Variants in OTULIN observed in about 807,000 individuals in gnomAD.
OTULIN encodes the protein ubiquitin thioesterase otulin.
Under a neutral mutation model 39.6 loss-of-function variants are expected in OTULIN, and 15 were observed. The observed-to-expected ratio is 0.38, with a 90% CI of 0.25 to 0.58. The LOEUF (loss-of-function observed/expected upper bound fraction) is 0.58. Ranked by LOEUF, OTULIN falls within the 20% of genes least tolerant of loss-of-function variation. OTULIN has a pLI of 0.66. For missense variants in OTULIN, 319 were observed against 445.9 expected, an observed-to-expected ratio of 0.72 and a Z score of 2.56; for synonymous variants, 156 against 170.3, an observed-to-expected ratio of 0.92 and a Z score of 0.65.
chr5:14,713,761 G>A, the OTULIN span: 1 of 1,572,196 alleles, frequency 6.4e-7, no homozygotes, highest in Non-Finnish European at 8.7e-7. This position sits in a 1 kb window ranked among gnomAD's most constrained non-coding sequence, Gnocchi z 4.4. Context: ...GAGAGCCAGG[G>A]GCTGCCTAGG....
rs1324332601 is a variant in OTULIN, at chr5:14,693,252, A to T, written c.*204A>T. On this transcript the variant is annotated 3_prime_UTR_variant, in exon 7 of 7. Transcript: ENST00000284274. Reference sequence around the variant, plus strand: ...TCTTTCCCCTCATCTATGATGCAATATATTTCAGTGGGGGCCTTCAGAGCA... The same window carrying T: ...TCTTTCCCCTCATCTATGATGCAATTTATTTCAGTGGGGGCCTTCAGAGCA... The T allele has an allele frequency of 3.8e-6, 2 of 532,032 alleles. No homozygotes were observed. The highest frequency in any genetic ancestry group is 3.2e-5 in the Admixed American group (1 of 30,870). The allele number at this position is 532,032 out of a possible 1,614,324, so 33.0% of individuals were successfully genotyped here.
the OTULIN span, chr5:14,709,636 C>G: frequency 6.6e-6 from 1 of 152,380 alleles, no homozygotes; most frequent in African/African-American, 2.4e-5. Context: ...ACTTCTATTC[C>G]TACTCCAGTG....
At chr5:14,710,462 G>C in the OTULIN span, 3 of 152,640 alleles carry the variant, frequency 2.0e-5, no homozygotes, top group African/African-American at 7.2e-5. Flanking sequence ...AGAACTGACA[G>C]CTTGCTCAGA....
chr5:14,710,631 G>C, the OTULIN span: 3 of 163,032 alleles, frequency 1.8e-5, no homozygotes, highest in Non-Finnish European at 2.7e-5. Flanking sequence ...ACTCCGGGCT[G>C]CAGCGTGCCA....
chr5:14,666,434 C>A (rs1735847289), intron 1 of OTULIN, among the ~76,000 whole-genome samples: 1 of 152,142 alleles, frequency 6.6e-6, no homozygotes, highest in African/African-American at 2.4e-5. Context: ...CTAGGTTTGT[C>A]ATTTTACACA....
intron 1 of OTULIN, among the ~76,000 whole-genome samples, chr5:14,671,553 A>G (rs1375569359): frequency 6.6e-6 from 1 of 152,226 alleles, no homozygotes; most frequent in East Asian, 1.9e-4. Context: ...GAACGAACAC[A>G]TTTGGTCACT....
chr5:14,673,125 C>T (rs749457947), intron 1 of OTULIN, among the ~76,000 whole-genome samples: 19 of 152,046 alleles, frequency 1.2e-4, no homozygotes, highest in East Asian at 3.9e-4. Flanking sequence ...AGGAGGATTT[C>T]GAGGAGGTTT....
chr5:14,667,173 A>G (rs1735870722), intron 1 of OTULIN, among the ~76,000 whole-genome samples: 1 of 152,244 alleles, frequency 6.6e-6, no homozygotes, highest in Non-Finnish European at 1.5e-5. Context: ...GTAATTACAA[A>G]TACAAATCAT....
intron 3 of OTULIN, among the ~76,000 whole-genome samples, chr5:14,681,026 C>T (rs1250792377): frequency 1.3e-5 from 2 of 152,176 alleles, no homozygotes; most frequent in African/African-American, 2.4e-5. Context: ...CGCCACTGCA[C>T]TCCAGCCTGG....
At chr5:14,670,483 CT>C (rs1326945921) in intron 1 of OTULIN, among the ~76,000 whole-genome samples, 2 of 152,148 alleles carry the variant, frequency 1.3e-5, no homozygotes, top group Non-Finnish European at 2.9e-5. Flanking sequence ...GTTTGCTTAT[CT>C]TTCTATTAGA....
rs905609617 is a variant in OTULIN, at chr5:14,690,442, G to A, written c.864+134G>A. ...TGGTTCTGGCTCAGGATGTCATGAG[G>A]CTGCAGTTGTATGTTCAGGGCTGCA... On this transcript the variant is annotated intron_variant, in intron 6 of 6. Transcript: ENST00000284274. The surrounding 1 kb of genome is among the most constrained non-coding windows in gnomAD (Gnocchi z 4.5). The A allele has an allele frequency of 7.5e-6, 8 of 1,069,108 alleles. No homozygotes were observed. The South Asian group carries it at 1.3e-4, about 18-fold the overall frequency. The allele number at this position is 1,069,108 out of a possible 1,614,324, so 66.2% of individuals were successfully genotyped here. A position where few individuals can be genotyped will look rare whatever the true frequency, so the allele number is the denominator to read the frequency against.
At chr5:14,692,579 A>G (rs1385701972) in intron 6 of OTULIN, among the ~76,000 whole-genome samples, 1 of 151,832 alleles carries the variant, frequency 6.6e-6, no homozygotes, top group Non-Finnish European at 1.5e-5. Flanking sequence ...CCTAATTTTT[A>G]AGCTGGTTAT....
intron 1 of OTULIN, among the ~76,000 whole-genome samples, chr5:14,671,961 G>A (rs968088356): frequency 4.6e-5 from 7 of 152,086 alleles, no homozygotes; most frequent in Non-Finnish European, 8.8e-5. Flanking sequence ...GATGCCGAGA[G>A]GTGTAGTTAC....
rs1736250889 is a variant in OTULIN at position 14,681,576 on chromosome 5, C to T, written c.437C>T (p.Pro146Leu). ...FQAMSQAVGL[P>L]PWLQDPELML... ...GCCATGAGCCAGGCTGTGGGGCTGC[C>T]GCCCTGGCTGCAGGACCCGGAGCTC... Residue 146 changes from proline (P) to leucine (L), a missense_variant, in exon 4 of 7, where the codon CCG becomes CTG. Physicochemically the swap from Pro to Leu is moderately conservative, Grantham distance 98. Coordinates refer to ENST00000284274, the MANE Select transcript of OTULIN (RefSeq NM_138348.6). 5 of 1,613,948 alleles carry T rather than the reference C, an allele frequency of 3.1e-6. No individual in the cohort carries two copies. The highest frequency in any genetic ancestry group is 3.4e-6 in the Non-Finnish European group (4 of 1,179,998).
At chr5:14,668,452 T>G (rs1006075860) in intron 1 of OTULIN, among the ~76,000 whole-genome samples, 1 of 152,216 alleles carries the variant, frequency 6.6e-6, no homozygotes, top group Non-Finnish European at 1.5e-5. Context: ...ATTTGATGTG[T>G]TGTTCACCCA....
At chr5:14,678,519 A>T (rs1653136144) in intron 2 of OTULIN, among the ~76,000 whole-genome samples, 162 bp from the exon 3 acceptor site, 1 of 152,142 alleles carries the variant, frequency 6.6e-6, no homozygotes, top group African/African-American at 2.4e-5. Flanking sequence ...TCTAGGGGTG[A>T]GGTGATGGTG....
rs1378725415 is a variant in OTULIN, at chr5:14,698,947, T to C, written c.*5899T>C. The C allele has an allele frequency of 6.6e-6, 1 of 152,162 alleles. No homozygotes were observed. The highest frequency in any genetic ancestry group is 1.5e-5 in the Non-Finnish European group (1 of 68,036). The allele number at this position is 152,162 out of a possible 1,614,324, so 9.4% of individuals were successfully genotyped here. A position where few individuals can be genotyped will look rare whatever the true frequency, so the allele number is the denominator to read the frequency against. On this transcript the variant is annotated 3_prime_UTR_variant, in exon 7 of 7. Transcript: ENST00000284274. Reference sequence around the variant, plus strand: ...CACTAAAAGGGTGGGCTTGGACAGTTCCTGAACCTCCCTAAATCTGTTTCT... The same window carrying C: ...CACTAAAAGGGTGGGCTTGGACAGTCCCTGAACCTCCCTAAATCTGTTTCT...
At chr5:14,704,329 CAAAAAAAAA>C (rs1194771023), downstream of OTULIN, among the ~76,000 whole-genome samples, 12 of 65,518 alleles carry the variant, frequency 1.8e-4, no homozygotes, top group East Asian at 1.9e-3. Flanking sequence ...GACTCCGTCT[CAAAAAAAAA>C]AAAAAAAAAA....
chr5:14,690,249 C>T lies in OTULIN; in HGVS notation c.805C>T (p.Pro269Ser), dbSNP rs769573653. 3 of 1,614,122 alleles carry T rather than the reference C, an allele frequency of 1.9e-6. No homozygotes were observed. The highest frequency in any genetic ancestry group is 8.5e-7 in the Non-Finnish European group (1 of 1,180,008). The change falls in exon 6 of 7, where the codon CCA becomes TCA. Residue 269 changes from proline (P) to serine (S), a missense_variant. Coordinates refer to ENST00000284274, the MANE Select transcript of OTULIN (RefSeq NM_138348.6). This position sits in a 1 kb window ranked among gnomAD's most constrained non-coding sequence, Gnocchi z 4.5. ...GTTTGCTCGGGACACATCAAATGACCCAGGACAGCTTCTGAGGAACCACCT... is the reference window on the plus strand; with the variant it reads ...GTTTGCTCGGGACACATCAAATGACTCAGGACAGCTTCTGAGGAACCACCT... The part of the protein sequence containing the change: ...LLFARDTSND[P>S]GQLLRNHLNQ...
Sources: allele counts gnomAD v4.1 joint callset (sites outside exome capture counted in the v4.1 genomes callset), GRCh38; gene constraint gnomAD v4.1.1; non-coding constraint Gnocchi (gnomAD v3.1); transcripts MANE v1.5; gene names NCBI Gene and HGNC (gene_info 2026-07-23, HGNC 2026-07-21).